Variants in RPL39L observed in about 807,000 individuals in gnomAD.
The protein encoded by RPL39L is ribosomal protein eL39-like 2.
For synonymous variants in RPL39L, 16 were observed against 20.1 expected, an observed-to-expected ratio of 0.80 and a Z score of 0.55; for missense variants, 48 against 58.9, an observed-to-expected ratio of 0.81 and a Z score of 0.61.
intron 1 of RPL39L, among the ~76,000 whole-genome samples, chr3:187,138,398 G>A (rs1224877666): frequency 2.0e-5 from 3 of 152,240 alleles, no homozygotes; most frequent in Non-Finnish European, 4.4e-5. Flanking sequence ...GATGAATCCA[G>A]ATGTGTAAAA....
intron 2 of RPL39L, 89 bp from the exon 3 acceptor site, chr3:187,121,417 G>A: frequency 7.5e-7 from 1 of 1,330,990 alleles, no homozygotes; most frequent in South Asian, 1.4e-5. Context: ...ACAAGAAAGA[G>A]GATCTTTAGT....
At chr3:187,134,822 A>G (rs1720547743) in intron 1 of RPL39L, among the ~76,000 whole-genome samples, 1 of 152,238 alleles carries the variant, frequency 6.6e-6, no homozygotes, top group South Asian at 2.1e-4. Context: ...TCTCAGTGCC[A>G]GGAGGAATGC....
intron 1 of RPL39L, among the ~76,000 whole-genome samples, chr3:187,128,499 T>C (rs1579411939): frequency 1.3e-5 from 2 of 152,260 alleles, no homozygotes; most frequent in South Asian, 2.1e-4. Flanking sequence ...ATAACAGTTT[T>C]TTAATATACA....
At chr3:187,138,990 G>A (rs1282014573) in intron 1 of RPL39L, among the ~76,000 whole-genome samples, 3 of 151,552 alleles carry the variant, frequency 2.0e-5, no homozygotes, top group Admixed American at 1.3e-4. Context: ...ATCCGGAGGC[G>A]GAGGTTGCAG....
chr3:187,122,631 G>A (rs2108466810), intron 2 of RPL39L, among the ~76,000 whole-genome samples: 1 of 152,294 alleles, frequency 6.6e-6, no homozygotes, highest in South Asian at 2.1e-4. Flanking sequence ...TACATGCTGT[G>A]AGGCTACCGG....
intron 1 of RPL39L, among the ~76,000 whole-genome samples, chr3:187,135,732 T>A (rs1446336535): frequency 1.3e-5 from 2 of 152,224 alleles, no homozygotes; most frequent in East Asian, 3.8e-4. Flanking sequence ...CCAAGTGTGT[T>A]GATCCATTTT....
chr3:187,128,248 T>C (rs1438183435), intron 1 of RPL39L, among the ~76,000 whole-genome samples, 186 bp from the exon 2 acceptor site: 4 of 152,198 alleles, frequency 2.6e-5, no homozygotes, highest in Non-Finnish European at 5.9e-5. Flanking sequence ...CACGTAATAT[T>C]AAACTGATCA....
chr3:187,136,215 A>G (rs2108471032), intron 1 of RPL39L, among the ~76,000 whole-genome samples: 1 of 152,354 alleles, frequency 6.6e-6, no homozygotes, highest in Non-Finnish European at 1.5e-5. Context: ...AGCATCGGCA[A>G]TTTCTTCACT....
chr3:187,132,702 G>T (rs1560201207), intron 1 of RPL39L, among the ~76,000 whole-genome samples: 1 of 152,304 alleles, frequency 6.6e-6, no homozygotes, highest in East Asian at 1.9e-4. Flanking sequence ...TAGAAACCTA[G>T]AAAGAGCATC....
chr3:187,134,544 A>G (rs1720542966), intron 1 of RPL39L, among the ~76,000 whole-genome samples: 2 of 151,860 alleles, frequency 1.3e-5, no homozygotes, highest in Admixed American at 1.3e-4. Flanking sequence ...AAAGGGGACA[A>G]TGCTACAGGT....
intron 1 of RPL39L, among the ~76,000 whole-genome samples, chr3:187,128,653 G>T (rs567742445): frequency 1.8e-4 from 27 of 152,152 alleles, no homozygotes; most frequent in Non-Finnish European, 3.2e-4. Context: ...GGGACTACAG[G>T]TTATGTCCCA....
At chr3:187,134,792 T>C (rs1720547192) in intron 1 of RPL39L, among the ~76,000 whole-genome samples, 1 of 152,192 alleles carries the variant, frequency 6.6e-6, no homozygotes, top group Non-Finnish European at 1.5e-5. Context: ...AAGCCAGAGA[T>C]CAGGACAAGA....
rs146861111 is a variant in RPL39L at position 187,136,472 on chromosome 3, G to A, written c.-93+2741C>T. ...GAGTTGGTTCTAATGCAACAGCTGAGGGAAGTTTGAGCCTTTCTCTGCAGC... is the reference window on the plus strand; with the variant it reads ...GAGTTGGTTCTAATGCAACAGCTGAAGGAAGTTTGAGCCTTTCTCTGCAGC... On this transcript the variant is annotated intron_variant, in intron 1 of 2. Coordinates refer to ENST00000296277, the MANE Select transcript of RPL39L (RefSeq NM_052969.3). 5.9e-3 allele frequency among the ~76,000 whole-genome samples: 900 copies of A among 152,334 alleles called. 8 individuals carry two copies. Among genetic ancestry groups the A allele is most frequent in the African/African-American group, 0.019 (777 of 41,576 alleles).
At chr3:187,127,233 A>T (rs6444201) in intron 2 of RPL39L, among the ~76,000 whole-genome samples, 62,230 of 152,068 alleles carry the variant, frequency 0.41, 17,080 homozygotes, top group African/African-American at 0.79. Flanking sequence ...GTCATTCTGA[A>T]GCATGTTAAA....
At chr3:187,126,729 C>T (rs1318125132) in intron 2 of RPL39L, among the ~76,000 whole-genome samples, 1 of 152,132 alleles carries the variant, frequency 6.6e-6, no homozygotes, top group African/African-American at 2.4e-5. Context: ...CCTGAAGCCA[C>T]TTTTTCATGG....
intron 1 of RPL39L, among the ~76,000 whole-genome samples, chr3:187,137,517 G>T (rs1579416305): frequency 6.7e-6 from 1 of 149,566 alleles, no homozygotes; most frequent in Non-Finnish European, 1.5e-5. Flanking sequence ...CTTCAAAAAA[G>T]AAAAAGAAAA....
intron 2 of RPL39L, among the ~76,000 whole-genome samples, chr3:187,125,040 T>G (rs527247341): frequency 6.6e-6 from 1 of 152,322 alleles, no homozygotes; most frequent in East Asian, 1.9e-4. Context: ...CACATGTCTT[T>G]AGATCATATT....
intron 1 of RPL39L, among the ~76,000 whole-genome samples, chr3:187,134,685 T>G (rs1720545636): frequency 1.3e-5 from 2 of 152,192 alleles, no homozygotes; most frequent in Admixed American, 6.5e-5. Context: ...CTCATGTAAG[T>G]GCATAACCTA....
rs1387450289 is a variant in RPL39L, at chr3:187,128,052, C to T, written c.-82G>A. 6.6e-6 allele frequency: 1 copy of T among 152,076 alleles called. No homozygotes were observed. Among genetic ancestry groups the T allele is most frequent in the Non-Finnish European group, 1.5e-5 (1 of 68,022 alleles). 9.4% of individuals were successfully genotyped at this position (152,076 alleles called of 1,614,324 possible). A position where few individuals can be genotyped will look rare whatever the true frequency, so the allele number is the denominator to read the frequency against. On this transcript the variant is annotated 5_prime_UTR_variant, in exon 2 of 3. Transcript: ENST00000296277. Reference sequence around the variant, plus strand: ...AAGAGGCAAAGATGCTTGCTTCTCTCCAAATAAAATCTGAAAAGAAAATAT... The same window carrying T: ...AAGAGGCAAAGATGCTTGCTTCTCTTCAAATAAAATCTGAAAAGAAAATAT...
Sources: gnomAD v4.1 joint callset for allele counts (sites outside exome capture counted in the v4.1 genomes callset) on GRCh38, gnomAD v4.1.1 for gene constraint, MANE v1.5 for transcripts, NCBI Gene and HGNC (gene_info 2026-07-23, HGNC 2026-07-21) for gene names.